The following EIF3E variants were observed in gnomAD, a reference collection of about 807,000 sequenced individuals.
The protein encoded by EIF3E is eukaryotic translation initiation factor 3 subunit E, also known as eIF-3 p48.
A neutral mutation model predicts 59.3 loss-of-function variants in EIF3E; 25 were observed. That is an observed-to-expected ratio of 0.42 (90% CI 0.31 to 0.59). The LOEUF (loss-of-function observed/expected upper bound fraction) is 0.59, where lower values mean the gene tolerates loss of function less well. Ranked by LOEUF, EIF3E falls within the 20% of genes least tolerant of loss-of-function variation. The pLI, the probability that EIF3E is intolerant of heterozygous loss-of-function variation, is 0.15. For missense variants in EIF3E, 317 were observed against 534.3 expected (o/e 0.59, Z 4.01); for synonymous variants, 176 against 170.2 (o/e 1.03, Z -0.26).
intron 10 of EIF3E, among the ~76,000 whole-genome samples, chr8:108,209,068 C>T (rs1315206326): frequency 3.3e-5 from 5 of 150,436 alleles, no homozygotes; most frequent in Non-Finnish European, 5.9e-5. Flanking sequence ...GTCAGGAAAT[C>T]TATTAACAGA....
At chr8:108,210,753 C>A (rs965812632) in intron 10 of EIF3E, among the ~76,000 whole-genome samples, 2 of 152,016 alleles carry the variant, frequency 1.3e-5, no homozygotes, top group Non-Finnish European at 2.9e-5. Context: ...CCACTCCCCC[C>A]ACCCCACGAC....
intron 7 of EIF3E, among the ~76,000 whole-genome samples, chr8:108,223,195 AC>A (rs1378726837): frequency 1.3e-5 from 2 of 152,196 alleles, no homozygotes; most frequent in African/African-American, 4.8e-5. Flanking sequence ...AACAAAATAC[AC>A]TGAAATGACT....
At chr8:108,213,370 T>C (rs937402209) in intron 10 of EIF3E, among the ~76,000 whole-genome samples, 2 of 152,154 alleles carry the variant, frequency 1.3e-5, no homozygotes, top group Non-Finnish European at 2.9e-5. Flanking sequence ...ATACTCACAC[T>C]ATACTGTACA....
At chr8:108,223,095 G>T (rs1815449944) in intron 7 of EIF3E, among the ~76,000 whole-genome samples, 1 of 152,124 alleles carries the variant, frequency 6.6e-6, no homozygotes, top group Non-Finnish European at 1.5e-5. Flanking sequence ...AACTCTGTCT[G>T]TAACTATGCT....
At chr8:108,244,323 A>G (rs1427640186) in intron 1 of EIF3E, among the ~76,000 whole-genome samples, 1 of 152,202 alleles carries the variant, frequency 6.6e-6, no homozygotes, top group East Asian at 1.9e-4. Context: ...ACAGGCTGCT[A>G]TCTGATTCCC....
In EIF3E at chr8:108,222,186, G is replaced by T. The variant is rs528189353; in HGVS notation, c.723-4726C>A. On this transcript the variant is annotated intron_variant, in intron 7 of 12. Transcript: ENST00000220849. Reference sequence around the variant, plus strand: ...ACCTCCCAAGTAGTTGGGGCCACAGGAGTGAATCACAATGCCCAGCTAATT... The same window carrying T: ...ACCTCCCAAGTAGTTGGGGCCACAGTAGTGAATCACAATGCCCAGCTAATT... Among the ~76,000 whole-genome samples the T allele has an allele frequency of 2.0e-4, 31 of 152,220 alleles. No individual in the cohort carries two copies. In the South Asian group the frequency reaches 6.4e-3, roughly 32 times the overall value.
In EIF3E at chr8:108,242,076, G is replaced by C. The variant is rs60792511; in HGVS notation, c.91-163C>G. 1,993 of 1,420,346 alleles carry C rather than the reference G, an allele frequency of 1.4e-3. 30 individuals are homozygous for C. In the African/African-American group the frequency reaches 0.025, roughly 18 times the overall value. 88.0% of individuals were successfully genotyped at this position (1,420,346 alleles called of 1,614,324 possible). On this transcript the variant is annotated intron_variant, in intron 1 of 12. Coordinates refer to ENST00000220849, the MANE Select transcript of EIF3E (RefSeq NM_001568.3). ...GTAATAATGGCAAGCAATATGGCAA[G>C]CAACCAACCTATAGACGTAAAAGTA...
intron 2 of EIF3E, among the ~76,000 whole-genome samples, 197 bp downstream of exon 2, chr8:108,241,602 T>C (rs557386137): frequency 6.6e-6 from 1 of 152,336 alleles, no homozygotes; most frequent in East Asian, 1.9e-4. Context: ...TATTTTAAAG[T>C]AGTTCCACAT....
chr8:108,234,722 T>G (rs996681021), intron 5 of EIF3E: 1 of 231,114 alleles, frequency 4.3e-6, no homozygotes, highest in Non-Finnish European at 8.3e-6. Flanking sequence ...ATCCATTACA[T>G]GATACGATTC....
At chr8:108,238,598 TG>T (rs1290564332) in intron 3 of EIF3E, among the ~76,000 whole-genome samples, 3 of 152,330 alleles carry the variant, frequency 2.0e-5, no homozygotes, top group Non-Finnish European at 2.9e-5. Flanking sequence ...AATCCACAGA[TG>T]CAGAACAGAG....
At chr8:108,239,456 C>A (rs1815795845) in intron 3 of EIF3E, among the ~76,000 whole-genome samples, 1 of 152,184 alleles carries the variant, frequency 6.6e-6, no homozygotes, top group South Asian at 2.1e-4. Flanking sequence ...CTTGCCTCCA[C>A]CTCCCCAAGT....
At chr8:108,229,032 G>A in intron 6 of EIF3E, 38 bp downstream of exon 6, 1 of 1,566,848 alleles carries the variant, frequency 6.4e-7, no homozygotes, top group Non-Finnish European at 8.7e-7. Flanking sequence ...AGGATACACA[G>A]ATATTTCAGA....
intron 5 of EIF3E, among the ~76,000 whole-genome samples, chr8:108,229,726 C>T (rs1352539876): frequency 6.6e-6 from 1 of 152,114 alleles, no homozygotes; most frequent in Non-Finnish European, 1.5e-5. Context: ...TAATAGTTAT[C>T]AAAGGATTAT....
chr8:108,243,638 G>GAAAAAAAAAAAAAAAAAAAAAAAAA (rs779684560), intron 1 of EIF3E, among the ~76,000 whole-genome samples: 2 of 70,978 alleles, frequency 2.8e-5, no homozygotes, highest in Admixed American at 1.9e-4. Context: ...CAAAAAAAAA[G>GAAAAAAAAAAAAAAAAAAAAAAAAA]AAAAAAAAAA....
At chr8:108,216,587 T>A (rs1586196123) in intron 8 of EIF3E, 74 bp from the exon 9 acceptor site, 2 of 1,001,128 alleles carry the variant, frequency 2.0e-6, no homozygotes, top group Admixed American at 2.6e-5. Flanking sequence ...AATATCCCAA[T>A]CTTCTTGTTT....
intron 7 of EIF3E, among the ~76,000 whole-genome samples, chr8:108,225,501 G>T (rs1321941780): frequency 6.6e-6 from 1 of 151,408 alleles, no homozygotes; most frequent in Non-Finnish European, 1.5e-5. Flanking sequence ...CATTCCAAGT[G>T]CAAGATAGCT....
chr8:108,222,565 C>G (rs544628235), intron 7 of EIF3E, among the ~76,000 whole-genome samples: 53 of 152,288 alleles, frequency 3.5e-4, no homozygotes, highest in African/African-American at 1.2e-3. Flanking sequence ...TATATTTTAA[C>G]AGTTAGCCTA....
intron 10 of EIF3E, among the ~76,000 whole-genome samples, chr8:108,210,962 T>C (rs1228553194): frequency 2.6e-5 from 4 of 152,220 alleles, no homozygotes; most frequent in East Asian, 1.9e-4. Context: ...TTCCATGGTG[T>C]ATATGTGTCA....
chr8:108,214,031 T>G (rs1815259073), intron 10 of EIF3E, among the ~76,000 whole-genome samples: 1 of 152,228 alleles, frequency 6.6e-6, no homozygotes. Flanking sequence ...CTGTAATGTG[T>G]ACAATTTATT....
Sources: gnomAD v4.1 joint callset for allele counts (sites outside exome capture counted in the v4.1 genomes callset) on GRCh38, gnomAD v4.1.1 for gene constraint, MANE v1.5 for transcripts, NCBI Gene and HGNC (gene_info 2026-07-23, HGNC 2026-07-21) for gene names.